The following LRRC4C variants were observed in gnomAD, a reference collection of about 807,000 sequenced individuals.
The protein encoded by LRRC4C is leucine rich repeat containing 4C.
Under a neutral mutation model 33.6 loss-of-function variants are expected in LRRC4C, and 5 were observed. That is an observed-to-expected ratio of 0.15 (90% confidence interval 0.08 to 0.31). The LOEUF (loss-of-function observed/expected upper bound fraction) is 0.31, where lower values mean the gene tolerates loss of function less well. Ranked by LOEUF, LRRC4C falls within the 10% of genes least tolerant of loss-of-function variation. The pLI is 1.00. For synonymous variants in LRRC4C, 329 were observed against 302.0 expected (o/e 1.09, Z -0.93); for missense variants, 560 against 796.7 (o/e 0.70, Z 3.58).
chr11:41,255,881 G>A (rs1030482086), intron 1 of LRRC4C, among the ~76,000 whole-genome samples: 18 of 151,992 alleles, frequency 1.2e-4, no homozygotes, highest in South Asian at 1.0e-3. Flanking sequence ...GCCTACAATA[G>A]CAATCTGAAT....
intron 5 of LRRC4C, among the ~76,000 whole-genome samples, chr11:40,212,575 G>T (rs1021854645): frequency 1.3e-5 from 2 of 152,000 alleles, no homozygotes; most frequent in African/African-American, 4.8e-5. Flanking sequence ...GTTAGATTGG[G>T]TCTTTGCTCC....
Position 41,365,246 on chromosome 11 carries a change from G to A in LRRC4C, c.-496+94185C>T, listed in dbSNP as rs149193210. Among the ~76,000 whole-genome samples the A allele has an allele frequency of 4.6e-5, 7 of 152,058 alleles. No homozygotes were observed. The East Asian group carries it at 1.4e-3, about 29-fold the overall frequency. ...TAAACTGTGCATGCAAGGGATCTAG[G>A]TTGTGTGCTCCTTATGAGAATCTAA... On this transcript the variant is annotated intron_variant, in intron 1 of 6. Transcript: ENST00000528697.
chr11:40,114,483 G>A lies in LRRC4C; in HGVS notation c.1810C>T (p.Pro604Ser), dbSNP rs565418856. 4 of 1,614,126 alleles carry A rather than the reference G, an allele frequency of 2.5e-6. No individual in the cohort carries two copies. The highest frequency in any genetic ancestry group is 2.2e-5 in the East Asian group (1 of 44,878). The change falls in exon 7 of 7, where the codon CCC (proline) becomes TCC (serine). Residue 604 changes from proline to serine, a missense_variant. Coordinates refer to ENST00000528697, the MANE Select transcript of LRRC4C (RefSeq NM_001258419.2). ...HLNHYNSYKS[P>S]FNHTTTVNTI... is the part of the protein sequence containing the mutation. Reference sequence around the variant, plus strand: ...TTAACTGTTGTTGTGTGGTTGAAGGGAGATTTGTATGAGTTATAGTGATTT... The same window carrying A: ...TTAACTGTTGTTGTGTGGTTGAAGGAAGATTTGTATGAGTTATAGTGATTT...
intron 2 of LRRC4C, among the ~76,000 whole-genome samples, chr11:40,848,705 CCTT>C (rs1244958775): frequency 2.6e-5 from 4 of 152,200 alleles, no homozygotes; most frequent in African/African-American, 9.6e-5. Flanking sequence ...TCCTTGTTAA[CCTT>C]CTGTCTCATT....
chr11:40,504,618 G>A (rs749810377), intron 3 of LRRC4C, among the ~76,000 whole-genome samples: 6 of 152,132 alleles, frequency 3.9e-5, no homozygotes, highest in Non-Finnish European at 7.4e-5. Context: ...CTTGGAGGAA[G>A]AAGATGTTTT....
chr11:40,926,050 A>G (rs1472785092), intron 2 of LRRC4C, among the ~76,000 whole-genome samples: 2 of 147,496 alleles, frequency 1.4e-5, no homozygotes, highest in East Asian at 4.0e-4. Flanking sequence ...TTTTTTTTTT[A>G]AGTCCAAATC....
At chr11:40,846,846 T>G (rs1953202652) in intron 2 of LRRC4C, among the ~76,000 whole-genome samples, 2 of 152,170 alleles carry the variant, frequency 1.3e-5, no homozygotes, top group Non-Finnish European at 2.9e-5. Flanking sequence ...AGCAGTGGTG[T>G]GTAGTTCTCT....
At chr11:40,851,756 G>A (rs997165403) in intron 2 of LRRC4C, among the ~76,000 whole-genome samples, 1 of 152,180 alleles carries the variant, frequency 6.6e-6, no homozygotes, top group African/African-American at 2.4e-5. Flanking sequence ...GCAACAGAGT[G>A]AGACTCCGTC....
chr11:40,436,087 C>A (rs1951127371), intron 3 of LRRC4C, among the ~76,000 whole-genome samples: 1 of 152,190 alleles, frequency 6.6e-6, no homozygotes, highest in Non-Finnish European at 1.5e-5. Flanking sequence ...AAAATCTTAC[C>A]TTTCCATTAC....
intron 3 of LRRC4C, among the ~76,000 whole-genome samples, chr11:40,587,058 C>T (rs1298178474): frequency 2.0e-5 from 3 of 151,796 alleles, no homozygotes; most frequent in Non-Finnish European, 2.9e-5. Context: ...CTATAAATTA[C>T]CTTGGGCAGT....
At chr11:40,383,845 C>T (rs985496734) in intron 3 of LRRC4C, among the ~76,000 whole-genome samples, 2 of 151,254 alleles carry the variant, frequency 1.3e-5, no homozygotes, top group Admixed American at 1.3e-4. Context: ...ACACCGTGCC[C>T]GGCTAATTTT....
intron 2 of LRRC4C, among the ~76,000 whole-genome samples, chr11:40,898,817 G>T (rs1474442285): frequency 6.6e-6 from 1 of 151,780 alleles, no homozygotes; most frequent in Non-Finnish European, 1.5e-5. Context: ...AATTAAACTG[G>T]ATTTTAAGCA....
chr11:40,692,763 T>C (rs12289147), intron 2 of LRRC4C, among the ~76,000 whole-genome samples: 9,864 of 152,118 alleles, frequency 0.065, 1,090 homozygotes, highest in African/African-American at 0.23. Flanking sequence ...GATGAATTAA[T>C]GAGACAAAAT....
At chr11:40,734,140 T>G (rs1375557578) in intron 2 of LRRC4C, among the ~76,000 whole-genome samples, 2 of 152,114 alleles carry the variant, frequency 1.3e-5, no homozygotes, top group Non-Finnish European at 2.9e-5. Context: ...TTGTTTAAGA[T>G]ATCCTAAAAT....
chr11:40,768,101 C>T (rs935255950), intron 2 of LRRC4C, among the ~76,000 whole-genome samples: 37 of 151,564 alleles, frequency 2.4e-4, no homozygotes, highest in African/African-American at 6.0e-4. Context: ...TAAAGAGGGA[C>T]GATCTAAATA....
intron 1 of LRRC4C, among the ~76,000 whole-genome samples, chr11:41,338,356 T>C (rs1951522577): frequency 6.6e-6 from 1 of 152,082 alleles, no homozygotes; most frequent in Non-Finnish European, 1.5e-5. Flanking sequence ...CAGAATAGAA[T>C]GTAGCCATAA....
At chr11:41,228,926 G>T (rs1947660980) in intron 1 of LRRC4C, among the ~76,000 whole-genome samples, 1 of 152,010 alleles carries the variant, frequency 6.6e-6, no homozygotes, top group Admixed American at 6.6e-5. Context: ...GATGTCTGTG[G>T]TCATTTTTTT....
At chr11:40,484,281 T>G (rs1953742795) in intron 3 of LRRC4C, among the ~76,000 whole-genome samples, 1 of 152,084 alleles carries the variant, frequency 6.6e-6, no homozygotes, top group Admixed American at 6.6e-5. Context: ...TAATTTGCAA[T>G]TAATTAATTG....
At chr11:41,344,226 C>CTT (rs34736782) in intron 1 of LRRC4C, among the ~76,000 whole-genome samples, 1,516 of 118,390 alleles carry the variant, frequency 0.013, 39 homozygotes, top group African/African-American at 0.02. Flanking sequence ...TGAAGCCTTT[C>CTT]TTTTTTTTTT....
Sources: gnomAD v4.1 joint callset for allele counts (sites outside exome capture counted in the v4.1 genomes callset) on GRCh38, gnomAD v4.1.1 for gene constraint, MANE v1.5 for transcripts, NCBI Gene and HGNC (gene_info 2026-07-23, HGNC 2026-07-21) for gene names.